Variants in MAPK8IP3 observed in about 807,000 individuals in gnomAD.
MAPK8IP3 encodes C-Jun-amino-terminal kinase-interacting protein 3.
In MAPK8IP3, 49 loss-of-function variants were observed where a neutral mutation model predicts 157.8. That is an observed-to-expected ratio of 0.31 (90% confidence interval 0.25 to 0.39). The LOEUF (loss-of-function observed/expected upper bound fraction) is 0.39. MAPK8IP3 is among the 10% of genes least tolerant of loss of function. The pLI, the probability that MAPK8IP3 is intolerant of heterozygous loss-of-function variation, is 1.00. For missense variants in MAPK8IP3, 1,478 were observed against 1,889.4 expected, an observed-to-expected ratio of 0.78 and a Z score of 4.04; for synonymous variants, 897 against 777.7, an observed-to-expected ratio of 1.15 and a Z score of -2.55.
Position 1,748,943 on chromosome 16 carries a change from A to C in MAPK8IP3, c.1216+223A>C, listed in dbSNP as rs374086547. The C allele has an allele frequency of 6.2e-5, 43 of 693,658 alleles. No individual in the cohort carries two copies. In the African/African-American group the frequency reaches 7.5e-4, roughly 12 times the overall value. The allele number at this position is 693,658 out of a possible 1,614,324, so 43.0% of individuals were successfully genotyped here. A position where few individuals can be genotyped will look rare whatever the true frequency, so the allele number is the denominator to read the frequency against. On this transcript the variant is annotated intron_variant, in intron 8 of 31. Coordinates refer to ENST00000610761, the MANE Select transcript of MAPK8IP3 (RefSeq NM_001318852.2). Reference sequence around the variant, plus strand: ...GGATGCCAAAATCTGAGGCTTCTCAAGTCCCTGCTCTGAAGTGGTGTAGTG... The same window carrying C: ...GGATGCCAAAATCTGAGGCTTCTCACGTCCCTGCTCTGAAGTGGTGTAGTG...
chr16:1,712,576 G>A (rs999820051), intron 1 of MAPK8IP3, among the ~76,000 whole-genome samples: 4 of 152,156 alleles, frequency 2.6e-5, no homozygotes, highest in African/African-American at 9.7e-5. Flanking sequence ...GACATCTCAG[G>A]TGGTGATAAC....
chr16:1,734,561 C>G (rs1240605918), intron 4 of MAPK8IP3, among the ~76,000 whole-genome samples: 1 of 152,244 alleles, frequency 6.6e-6, no homozygotes, highest in East Asian at 1.9e-4. Flanking sequence ...AGGAGGAAGG[C>G]ACGGCCCCCC....
At chr16:1,707,082 C>T (rs899816294) in intron 1 of MAPK8IP3, among the ~76,000 whole-genome samples, 1 of 152,072 alleles carries the variant, frequency 6.6e-6, no homozygotes, top group Non-Finnish European at 1.5e-5. Context: ...TGACAATTGC[C>T]TTTGCTTTCG....
chr16:1,763,622 T>C (rs755704001), intron 16 of MAPK8IP3, 35 bp from the exon 17 acceptor site: 4 of 1,506,440 alleles, frequency 2.7e-6, no homozygotes, highest in Non-Finnish European at 3.6e-6. Flanking sequence ...CCGCTCACCC[T>C]GGACAGAGAC....
chr16:1,761,237 G>A lies in MAPK8IP3; in HGVS notation c.1471G>A (p.Ala491Thr). 6.2e-7 allele frequency: 1 copy of A among 1,613,626 alleles called. No homozygotes were observed. The highest frequency in any genetic ancestry group is 1.3e-5 in the African/African-American group (1 of 75,062). Reference sequence around the variant, plus strand: ...CCCTTCCCACAGAGTGAAGTCCGAGGCCATCATCGCCCGCCGTGAACCCAA... The same window carrying A: ...CCCTTCCCACAGAGTGAAGTCCGAGACCATCATCGCCCGCCGTGAACCCAA... ...EEELKRVKSE[A>T]IIARREPKEE... The change falls in exon 13 of 32, where the codon GCC becomes ACC. Residue 491 changes from alanine (A) to threonine (T), a missense_variant. Around this residue, in one of 11 missense-constraint regions of MAPK8IP3, gnomAD observed 96 missense variants for 106.3 expected, o/e 0.90. Coordinates refer to ENST00000610761, the MANE Select transcript of MAPK8IP3 (RefSeq NM_001318852.2).
In MAPK8IP3 at chr16:1,743,289, A is replaced by G. The variant is rs1485092102; in HGVS notation, c.603-43A>G. On this transcript the variant is annotated intron_variant, in intron 4 of 31. Transcript: ENST00000610761. The surrounding 1 kb of genome is among the most constrained non-coding windows in gnomAD (Gnocchi z 5.6). The stretch of plus-strand genomic sequence containing the variant: ...GAGGGCTTGGGAAATCTTCACGGCC[A>G]CCCTCTAACCATCGCTTCCTCTCCT... The G allele has an allele frequency of 6.7e-7, 1 of 1,494,850 alleles. No individual in the cohort carries two copies. 92.6% of individuals were successfully genotyped at this position (1,494,850 alleles called of 1,614,324 possible). A position where few individuals can be genotyped will look rare whatever the true frequency, so the allele number is the denominator to read the frequency against.
At position 1,743,237 on chromosome 16, in the gene MAPK8IP3, C is replaced by A. The variant is rs2040780439; in HGVS notation, c.603-95C>A. On this transcript the variant is annotated intron_variant, in intron 4 of 31. Coordinates refer to ENST00000610761, the MANE Select transcript of MAPK8IP3 (RefSeq NM_001318852.2). The surrounding 1 kb of genome is among the most constrained non-coding windows in gnomAD (Gnocchi z 5.6). ...GGCTGCTGGCTGGCATGGAGCGGCC[C>A]CATCACTCGAGGTCTGCTTGCCCTG... 6.9e-7 allele frequency: 1 copy of A among 1,439,638 alleles called. No homozygotes were observed. Among genetic ancestry groups the A allele is most frequent in the Admixed American group, 2.9e-5 (1 of 33,994 alleles). 89.2% of individuals were successfully genotyped at this position (1,439,638 alleles called of 1,614,324 possible).
At chr16:1,721,371 CAGGAGGA>C (rs1158551366) in intron 1 of MAPK8IP3, among the ~76,000 whole-genome samples, 4 of 152,030 alleles carry the variant, frequency 2.6e-5, no homozygotes, top group Non-Finnish European at 1.5e-5. Flanking sequence ...AAGGCCAAGG[CAGGAGGA>C]TTGCTTGAGC....
In MAPK8IP3 at chr16:1,768,771, A is replaced by G; in HGVS notation, c.3961A>G (p.Lys1321Glu). The change falls in exon 32 of 32, where the codon AAG (lysine) becomes GAG (glutamate). Residue 1321 changes from lysine (K) to glutamate (E), a missense_variant. Coordinates refer to ENST00000610761, the MANE Select transcript of MAPK8IP3 (RefSeq NM_001318852.2). ...GAGCCAGGTGAAGCCCGTGCTGTCC[A>G]AGGCAGAGCGCAGTCACATCATCGT... Reference protein sequence around the residue: ...DMSQVKPVLSKAERSHIIVWQ... With the variant: ...DMSQVKPVLSEAERSHIIVWQ... 6.2e-7 allele frequency: 1 copy of G among 1,612,770 alleles called. No individual in the cohort carries two copies. The highest frequency in any genetic ancestry group is 2.2e-5 in the East Asian group (1 of 44,860).
At position 1,743,227 on chromosome 16, in the gene MAPK8IP3, T is replaced by C. The variant is rs1249669215; in HGVS notation, c.603-105T>C. 4 of 1,418,540 alleles carry C rather than the reference T, an allele frequency of 2.8e-6. No homozygotes were observed. The highest frequency in any genetic ancestry group is 3.0e-5 in the Admixed American group (1 of 32,936). The allele number at this position is 1,418,540 out of a possible 1,614,324, so 87.9% of individuals were successfully genotyped here. Reference sequence around the variant, plus strand: ...GCTCGAGCTGGGCTGCTGGCTGGCATGGAGCGGCCCCATCACTCGAGGTCT... The same window carrying C: ...GCTCGAGCTGGGCTGCTGGCTGGCACGGAGCGGCCCCATCACTCGAGGTCT... On this transcript the variant is annotated intron_variant, in intron 4 of 31. Transcript: ENST00000610761. This position sits in a 1 kb window ranked among gnomAD's most constrained non-coding sequence, Gnocchi z 5.6.
In MAPK8IP3 at chr16:1,764,413, G is replaced by A; in HGVS notation, c.2234G>A (p.Gly745Glu). The A allele has an allele frequency of 6.2e-7, 1 of 1,605,624 alleles. No homozygotes were observed. Among genetic ancestry groups the A allele is most frequent in the Non-Finnish European group, 8.5e-7 (1 of 1,177,658 alleles). ...GRDPLTCDRE[G>E]DGEPKSAHTS... ...GATCCCCTGACCTGCGACCGCGAAG[G>A]AGACGGCGAGCCCAAGAGCGCCCAC... is the stretch of plus-strand genomic sequence containing the variant. The change falls in exon 19 of 32, where the codon GGA becomes GAA. Residue 745 changes from glycine to glutamate, a missense_variant. Around this residue, in one of 11 missense-constraint regions of MAPK8IP3, gnomAD observed 669 missense variants for 759.8 expected, o/e 0.88. Transcript: ENST00000610761.
rs1220624696 is a variant in MAPK8IP3, at chr16:1,763,699, G to A, written c.1941G>A (p.Gln647=). Reference sequence around the variant, plus strand: ...CCCGTCGAGAGCAGAAGCGCGAGCAGTACCGCCAGGTGCGTGAGCACGTGC... The same window carrying A: ...CCCGTCGAGAGCAGAAGCGCGAGCAATACCGCCAGGTGCGTGAGCACGTGC... The part of the protein sequence containing the change: ...SSARREQKRE[Q]YRQVREHVRN... The change falls in exon 17 of 32, where the codon CAG becomes CAA. Residue 647 remains glutamine (Q), a synonymous_variant. Coordinates refer to ENST00000610761, the MANE Select transcript of MAPK8IP3 (RefSeq NM_001318852.2). 6.3e-7 allele frequency: 1 copy of A among 1,596,248 alleles called. No individual in the cohort carries two copies. The highest frequency in any genetic ancestry group is 8.5e-7 in the Non-Finnish European group (1 of 1,170,518).
chr16:1,746,998 C>A, intron 5 of MAPK8IP3, 31 bp from the exon 6 acceptor site: 2 of 1,607,208 alleles, frequency 1.2e-6, no homozygotes, highest in South Asian at 1.1e-5. Context: ...TGCAGTGACT[C>A]GCTCTCCCTC....
At chr16:1,768,679 G>T (rs2072989) in intron 31 of MAPK8IP3, 24 bp from the exon 32 acceptor site, 3 of 1,611,682 alleles carry the variant, frequency 1.9e-6, no homozygotes, top group Non-Finnish European at 2.5e-6. Flanking sequence ...GAGCCTGGCC[G>T]TCACTCTGCT....
intron 11 of MAPK8IP3, 92 bp from the exon 12 acceptor site, chr16:1,760,272 ACCAGGCTGTGCCTTCT>A (rs2041859330): frequency 7.0e-7 from 1 of 1,423,822 alleles, no homozygotes; most frequent in Non-Finnish European, 9.6e-7. Flanking sequence ...CACCTTCCTA[ACCAGGCTGTGCCTTCT>A]CCAGGGCGGA....
chr16:1,737,613 C>CGT (rs1187776747), intron 4 of MAPK8IP3, among the ~76,000 whole-genome samples: 1 of 57,916 alleles, frequency 1.7e-5, no homozygotes, highest in Non-Finnish European at 3.1e-5. Context: ...TGTGACCGTC[C>CGT]GTGTGTGTGA....
At chr16:1,736,997 CGT>C (rs1190602198) in intron 4 of MAPK8IP3, among the ~76,000 whole-genome samples, 6 of 57,824 alleles carry the variant, frequency 1.0e-4, no homozygotes, top group East Asian at 7.4e-4. Flanking sequence ...TCCGTGTGAG[CGT>C]GTGACCGTCC....
intron 1 of MAPK8IP3, chr16:1,707,725 G>A (rs966248030): frequency 2.0e-5 from 3 of 152,240 alleles, no homozygotes; most frequent in African/African-American, 7.2e-5. Context: ...CATCAAAGGA[G>A]TGAATTGCAC....
At chr16:1,746,895 A>C in intron 5 of MAPK8IP3, 134 bp from the exon 6 acceptor site, 1 of 1,106,600 alleles carries the variant, frequency 9.0e-7, no homozygotes, top group Non-Finnish European at 1.3e-6. Context: ...GCGGCAGAGG[A>C]GCTCTGGCCC....
Sources: gnomAD v4.1 joint callset for allele counts (sites outside exome capture counted in the v4.1 genomes callset) on GRCh38, gnomAD v4.1.1 for gene constraint, gnomAD v4.1.1 regional missense constraint, Gnocchi (gnomAD v3.1) non-coding constraint, MANE v1.5 for transcripts, NCBI Gene and HGNC (gene_info 2026-07-23, HGNC 2026-07-21) for gene names.